The following CNTN5 variants were observed in gnomAD, a reference collection of about 807,000 sequenced individuals.
The protein encoded by CNTN5 is contactin-5.
Under a neutral mutation model 129.1 loss-of-function variants are expected in CNTN5, and 77 were observed. The ratio of observed to expected loss-of-function variants is 0.60; its 90% CI spans 0.50 to 0.72. CNTN5 has a LOEUF of 0.72. Ranked by LOEUF, CNTN5 falls within the 30% of genes least tolerant of loss-of-function variation. The pLI is 0.00. For synonymous variants in CNTN5, 509 were observed against 465.6 expected (o/e 1.09, Z -1.20); for missense variants, 1,478 against 1,328.8 (o/e 1.11, Z -1.75).
intron 8 of CNTN5, among the ~76,000 whole-genome samples, chr11:99,973,703 C>G (rs576159595): frequency 5.9e-5 from 9 of 152,188 alleles, no homozygotes; most frequent in Non-Finnish European, 1.2e-4. Flanking sequence ...TTTCCATTAT[C>G]CTGCAAGGAT....
rs182481691 is a variant in CNTN5 at position 99,212,001 on chromosome 11, T to C, written c.-209-113345T>C. On this transcript the variant is annotated intron_variant, in intron 1 of 24. Transcript: ENST00000524871. ...AAAAAAATGCTTTTTGGAAGTACTG[T>C]GTTTTGGAACAACTTTCCGGCCAGT... Among the ~76,000 whole-genome samples, 3 of 152,322 alleles carry C rather than the reference T, an allele frequency of 2.0e-5. No homozygotes were observed. The East Asian group carries it at 5.8e-4, about 29-fold the overall frequency.
intron 10 of CNTN5, among the ~76,000 whole-genome samples, chr11:100,062,852 A>G (rs1035995366): frequency 1.3e-5 from 2 of 152,204 alleles, no homozygotes; most frequent in Non-Finnish European, 2.9e-5. Flanking sequence ...CATTAAGACA[A>G]CGCTCTCTAG....
intron 1 of CNTN5, among the ~76,000 whole-genome samples, chr11:99,160,510 T>A (rs1235471919): frequency 2.6e-5 from 4 of 152,168 alleles, no homozygotes; most frequent in African/African-American, 9.7e-5. Flanking sequence ...CCTAAACATA[T>A]CACTAGGATT....
At chr11:99,552,890 A>C (rs1948541078) in intron 2 of CNTN5, among the ~76,000 whole-genome samples, 1 of 152,124 alleles carries the variant, frequency 6.6e-6, no homozygotes, top group African/African-American at 2.4e-5. Context: ...TTAAAAGACT[A>C]ACTTGTAACC....
At chr11:99,407,679 A>G (rs950084514) in intron 2 of CNTN5, among the ~76,000 whole-genome samples, 1 of 152,138 alleles carries the variant, frequency 6.6e-6, no homozygotes, top group African/African-American at 2.4e-5. Context: ...TTTCAAGGTT[A>G]TCTGGGGCCC....
intron 1 of CNTN5, among the ~76,000 whole-genome samples, chr11:99,237,158 A>G (rs963601100): frequency 7.9e-5 from 12 of 152,048 alleles, no homozygotes; most frequent in African/African-American, 2.7e-4. Flanking sequence ...ACTACACGCA[A>G]AACATTGAAA....
intron 3 of CNTN5, among the ~76,000 whole-genome samples, chr11:99,736,820 G>A (rs1004988715): frequency 1.3e-5 from 2 of 152,064 alleles, no homozygotes; most frequent in Admixed American, 1.3e-4. Context: ...ATAAGATACA[G>A]TCTTATTTAT....
chr11:99,236,182 A>G (rs2135743066), intron 1 of CNTN5, among the ~76,000 whole-genome samples: 1 of 152,262 alleles, frequency 6.6e-6, no homozygotes, highest in East Asian at 1.9e-4. Flanking sequence ...TAATTGAGAT[A>G]AAAATCTCCA....
chr11:100,355,607 CAT>C (rs35636637), intron 24 of CNTN5, among the ~76,000 whole-genome samples: 43,050 of 151,476 alleles, frequency 0.28, 6,368 homozygotes, highest in African/African-American at 0.32. Flanking sequence ...ACGTGAGTAA[CAT>C]ATTGCATTAC....
At chr11:100,313,586 T>C (rs1367960343) in intron 21 of CNTN5, among the ~76,000 whole-genome samples, 3 of 152,038 alleles carry the variant, frequency 2.0e-5, no homozygotes, top group Non-Finnish European at 4.4e-5. Context: ...CAGTAGAACA[T>C]GCCAGTTTGG....
intron 13 of CNTN5, among the ~76,000 whole-genome samples, chr11:100,183,020 T>C (rs772677656): frequency 4.6e-5 from 7 of 151,990 alleles, no homozygotes; most frequent in Non-Finnish European, 8.8e-5. Context: ...ATATGAAAAA[T>C]TGCTCAAGAT....
chr11:99,752,509 G>A lies in CNTN5; in HGVS notation c.56-67035G>A, dbSNP rs566743662. ...GAATGTTAGGTAATTATTTAAAGAGGAAAATAAGTGATAAAATAAGAAACC... is the reference window on the plus strand; with the variant it reads ...GAATGTTAGGTAATTATTTAAAGAGAAAAATAAGTGATAAAATAAGAAACC... On this transcript the variant is annotated intron_variant, in intron 3 of 24. Transcript: ENST00000524871. Among the ~76,000 whole-genome samples, 7 of 152,240 alleles carry A rather than the reference G, an allele frequency of 4.6e-5. No homozygotes were observed. The East Asian group carries it at 1.4e-3, about 29-fold the overall frequency.
intron 10 of CNTN5, among the ~76,000 whole-genome samples, chr11:100,065,492 A>G (rs7112253): frequency 0.17 from 26,046 of 152,044 alleles, 2,288 homozygotes; most frequent in African/African-American, 0.18. Flanking sequence ...AGACATTACT[A>G]CGAGGTGCTT....
intron 1 of CNTN5, among the ~76,000 whole-genome samples, chr11:99,130,186 G>A (rs771784510): frequency 2.6e-5 from 4 of 152,100 alleles, no homozygotes; most frequent in Admixed American, 6.6e-5. Flanking sequence ...ATAAAAAGGC[G>A]AGACCCATCA....
At chr11:100,193,810 A>C in intron 15 of CNTN5, 147 bp downstream of exon 15, 1 of 659,238 alleles carries the variant, frequency 1.5e-6, no homozygotes, top group Non-Finnish European at 2.5e-6. Context: ...CCATTATTTT[A>C]TGTTATGTCA....
chr11:99,947,370 G>A (rs1330768777), intron 7 of CNTN5, among the ~76,000 whole-genome samples: 14 of 150,332 alleles, frequency 9.3e-5, no homozygotes, highest in African/African-American at 2.2e-4. Flanking sequence ...AAACAGGTGA[G>A]CAATAGGGAC....
chr11:99,576,611 G>A, intron 3 of CNTN5, among the ~76,000 whole-genome samples: 1 of 152,146 alleles, frequency 6.6e-6, no homozygotes, highest in Non-Finnish European at 1.5e-5. Flanking sequence ...ATCCATTTGG[G>A]CTGCTATAAC....
At chr11:99,727,114 G>A (rs1943368995) in intron 3 of CNTN5, among the ~76,000 whole-genome samples, 2 of 149,914 alleles carry the variant, frequency 1.3e-5, no homozygotes, top group African/African-American at 2.5e-5. Context: ...AGACCATCCT[G>A]GCTAACAAGG....
chr11:99,799,177 A>G (rs570524404), intron 3 of CNTN5, among the ~76,000 whole-genome samples: 1 of 152,052 alleles, frequency 6.6e-6, no homozygotes, highest in East Asian at 1.9e-4. Flanking sequence ...TATGTATAGA[A>G]TCATATTATT....
Sources: allele counts gnomAD v4.1 joint callset (sites outside exome capture counted in the v4.1 genomes callset), GRCh38; gene constraint gnomAD v4.1.1; transcripts MANE v1.5; gene names NCBI Gene and HGNC (gene_info 2026-07-23, HGNC 2026-07-21).